NOL4: variants seen among roughly 807,000 people sequenced by gnomAD.
NOL4 encodes cancer/testis antigen 125.
Under a neutral mutation model 75.9 loss-of-function variants are expected in NOL4, and 17 were observed. The ratio of observed to expected loss-of-function variants is 0.22; its 90% CI spans 0.15 to 0.34. NOL4 has a LOEUF of 0.34. Among genes scored for constraint, NOL4 ranks in the 10% least tolerant of loss-of-function variants. The pLI is 1.00. For missense variants in NOL4, 614 were observed against 793.5 expected (o/e 0.77, Z 2.72); for synonymous variants, 292 against 289.9 (o/e 1.01, Z -0.07).
intron 9 of NOL4, among the ~76,000 whole-genome samples, chr18:33,913,212 G>A (rs914749439): frequency 6.6e-6 from 1 of 151,942 alleles, no homozygotes; most frequent in South Asian, 2.1e-4. Flanking sequence ...CATTAACATT[G>A]CATGTTGTTT....
At chr18:34,032,437 T>C (rs1482753405) in intron 5 of NOL4, among the ~76,000 whole-genome samples, 1 of 152,052 alleles carries the variant, frequency 6.6e-6, no homozygotes, top group East Asian at 1.9e-4. Flanking sequence ...GCACAGACTC[T>C]GGAGGCAAAA....
chr18:33,874,282 A>T (rs9973196), intron 10 of NOL4, among the ~76,000 whole-genome samples: 3,472 of 152,032 alleles, frequency 0.023, 137 homozygotes, highest in African/African-American at 0.079. Flanking sequence ...GCAAAAGAAA[A>T]ATTATCTGAG....
chr18:34,030,524 G>A (rs150768730), intron 5 of NOL4, among the ~76,000 whole-genome samples: 160 of 152,284 alleles, frequency 1.1e-3, no homozygotes, highest in Non-Finnish European at 1.3e-3. Context: ...TAATCAAAGT[G>A]AGAATATAAT....
intron 8 of NOL4, among the ~76,000 whole-genome samples, chr18:33,948,059 G>A (rs2068959272): frequency 6.6e-6 from 1 of 151,860 alleles, no homozygotes; most frequent in Middle Eastern, 3.2e-3. Context: ...GGATGCCACA[G>A]GATTTTTGCA....
intron 10 of NOL4, among the ~76,000 whole-genome samples, chr18:33,862,582 C>A (rs2063205017): frequency 6.6e-6 from 1 of 152,050 alleles, no homozygotes; most frequent in African/African-American, 2.4e-5. Flanking sequence ...AAGAAAAAAA[C>A]AAAGAGCCCC....
chr18:34,093,370 T>C (rs1568331921), intron 5 of NOL4, 95 bp downstream of exon 5: 3 of 1,264,060 alleles, frequency 2.4e-6, no homozygotes, highest in Non-Finnish European at 3.2e-6. Flanking sequence ...TTTTTAAAAA[T>C]TGACACAAGA....
intron 6 of NOL4, among the ~76,000 whole-genome samples, chr18:34,009,941 G>A (rs2146317120): frequency 6.6e-6 from 1 of 151,954 alleles, no homozygotes; most frequent in African/African-American, 2.4e-5. Context: ...ACATAAGTTA[G>A]TTATTAGAAT....
chr18:33,943,082 G>A lies in NOL4; in HGVS notation c.1525C>T (p.Arg509Cys), dbSNP rs370304044. ...CTCAGTACCTGCTGTCTCTCCAGAC[G>A]CATCCTCTTGGCGGCATTTCTACTC... ...SESRNAAKRM[R>C]LERQQDESAP... The change falls in exon 9 of 11, where the codon CGT (arginine) becomes TGT (cysteine). Residue 509 changes from arginine (R) to cysteine (C), a missense_variant. Around this residue, in one of 9 missense-constraint regions of NOL4, gnomAD observed 128 missense variants for 159.9 expected, o/e 0.80. Coordinates refer to ENST00000261592, the MANE Select transcript of NOL4 (RefSeq NM_003787.5). 120 of 1,610,176 alleles carry A rather than the reference G, an allele frequency of 7.5e-5. No individual in the cohort carries two copies. Among genetic ancestry groups the A allele is most frequent in the Middle Eastern group, 1.7e-4 (1 of 6,060 alleles).
intron 2 of NOL4, among the ~76,000 whole-genome samples, chr18:34,114,518 T>C (rs1304929931): frequency 6.6e-6 from 1 of 152,206 alleles, no homozygotes; most frequent in East Asian, 1.9e-4. Flanking sequence ...ACTAATGACC[T>C]AACATTATTT....
At position 33,926,120 on chromosome 18, in the gene NOL4, G is replaced by A. The variant is rs532392948; in HGVS notation, c.1542+16945C>T. 1.7e-3 allele frequency among the ~76,000 whole-genome samples: 261 copies of A among 152,058 alleles called. 1 individual carries two copies. The highest frequency in any genetic ancestry group is 0.014 in the Middle Eastern group (4 of 294). On this transcript the variant is annotated intron_variant, in intron 9 of 10. Coordinates refer to ENST00000261592, the MANE Select transcript of NOL4 (RefSeq NM_003787.5). Reference sequence around the variant, plus strand: ...CTTATGCCTGTAATCCCAGCACTCTGGGAGCCCGAGGTGGGCAGATCACAA... The same window carrying A: ...CTTATGCCTGTAATCCCAGCACTCTAGGAGCCCGAGGTGGGCAGATCACAA...
intron 8 of NOL4, among the ~76,000 whole-genome samples, chr18:33,946,163 C>A (rs576067467): frequency 9.3e-4 from 141 of 151,716 alleles, no homozygotes; most frequent in Non-Finnish European, 1.5e-3. Context: ...CAGAATAAAT[C>A]ATAAAATCTG....
At chr18:33,951,418 C>T (rs1487072250) in intron 8 of NOL4, among the ~76,000 whole-genome samples, 1 of 151,940 alleles carries the variant, frequency 6.6e-6, no homozygotes, top group Non-Finnish European at 1.5e-5. Flanking sequence ...ATTTGCTCTT[C>T]TGTGGTTTTA....
intron 6 of NOL4, among the ~76,000 whole-genome samples, chr18:33,974,711 G>A (rs950086128): frequency 6.6e-6 from 1 of 151,768 alleles, no homozygotes; most frequent in African/African-American, 2.4e-5. Context: ...TAGAAGAATG[G>A]TGCCAATAGA....
chr18:34,131,743 A>G lies in NOL4; in HGVS notation c.265-1723T>C, dbSNP rs373454253. Among the ~76,000 whole-genome samples the G allele has an allele frequency of 6.2e-4, 94 of 152,224 alleles. No individual in the cohort carries two copies. The South Asian group carries it at 0.017, about 28-fold the overall frequency. ...ATACTCAACTGTGAGTGATGTGGGG[A>G]TCACAGCCTATTTACTCATTTTATC... On this transcript the variant is annotated intron_variant, in intron 1 of 10. Coordinates refer to ENST00000261592, the MANE Select transcript of NOL4 (RefSeq NM_003787.5).
chr18:34,197,347 G>T (rs1211187830), intron 1 of NOL4, among the ~76,000 whole-genome samples: 1 of 151,918 alleles, frequency 6.6e-6, no homozygotes, highest in Non-Finnish European at 1.5e-5. Context: ...TAATTTTATA[G>T]TTCAGCAAGG....
At chr18:33,896,893 G>A (rs2065443980) in intron 9 of NOL4, among the ~76,000 whole-genome samples, 1 of 152,032 alleles carries the variant, frequency 6.6e-6, no homozygotes, top group African/African-American at 2.4e-5. Context: ...CTAATATCCA[G>A]CATCTATAAG....
chr18:34,203,307 GATTATAA>G (rs1363649924), intron 1 of NOL4, among the ~76,000 whole-genome samples: 1 of 151,874 alleles, frequency 6.6e-6, no homozygotes, highest in Non-Finnish European at 1.5e-5. Context: ...AGGTGGATGT[GATTATAA>G]AAGAGCAGAC....
At chr18:34,211,344 C>G (rs2036504502) in intron 1 of NOL4, among the ~76,000 whole-genome samples, 1 of 152,060 alleles carries the variant, frequency 6.6e-6, no homozygotes, top group South Asian at 2.1e-4. Context: ...ACAACAATGA[C>G]CATGTAAACA....
intron 1 of NOL4, among the ~76,000 whole-genome samples, chr18:34,131,533 T>G (rs2080650955): frequency 6.6e-6 from 1 of 151,948 alleles, no homozygotes. Context: ...CCCATAAAAC[T>G]TTGTCTTCTT....
Sources: allele counts gnomAD v4.1 joint callset (sites outside exome capture counted in the v4.1 genomes callset), GRCh38; gene constraint gnomAD v4.1.1; regional missense constraint gnomAD v4.1.1; transcripts MANE v1.5; gene names NCBI Gene and HGNC (gene_info 2026-07-23, HGNC 2026-07-21).